ABCC2: variants seen among roughly 807,000 people sequenced by gnomAD.
ABCC2 encodes the protein ATP binding cassette subfamily C member 2.
Under a neutral mutation model 173.4 loss-of-function variants are expected in ABCC2, and 157 were observed. That is an observed-to-expected ratio of 0.91 (90% CI 0.80 to 1.03). The LOEUF is 1.03. Among genes scored for constraint, ABCC2 ranks in the 50% least tolerant of loss-of-function variants. The pLI is 0.00. For synonymous variants in ABCC2, 657 were observed against 693.5 expected (o/e 0.95, Z 0.83); for missense variants, 1,822 against 1,852.3 (o/e 0.98, Z 0.30).
chr10:99,851,484 C>A lies in ABCC2; in HGVS notation c.4509-18C>A, dbSNP rs1205422882. The A allele has an allele frequency of 3.1e-6, 5 of 1,613,950 alleles. No homozygotes were observed. In the South Asian group the frequency reaches 3.3e-5, roughly 11 times the overall value. On this transcript the variant is annotated intron_variant, in intron 31 of 31. Transcript: ENST00000647814. The stretch of plus-strand genomic sequence containing the variant: ...ATGCTGCTTTCTAAGACTTTTATTT[C>A]TTTCTTCCTTGTTTCAGGGTAATGG...
chr10:99,843,879 G>GTA lies in ABCC2; in HGVS notation c.3823_3824dup (p.Lys1277GlnfsTer10). 6.2e-7 allele frequency: 1 copy of GTA among 1,614,098 alleles called. No homozygotes were observed. Among genetic ancestry groups the GTA allele is most frequent in the East Asian group, 2.2e-5 (1 of 44,886 alleles). On this transcript the variant is annotated frameshift_variant, in exon 27 of 32. Transcript: ENST00000647814. LOFTEE classifies it high-confidence loss of function. The stretch of plus-strand genomic sequence containing the variant: ...TTGTGGCTGTTGAGCGAATAACTGA[G>GTA]TACACAAAAGTGGAAAATGAGGTAA...
In ABCC2 at chr10:99,794,084, C is replaced by T. The variant is rs533255605; in HGVS notation, c.576+85C>T. 167 of 1,314,106 alleles carry T rather than the reference C, an allele frequency of 1.3e-4. 2 individuals are homozygous for T. In the South Asian group the frequency reaches 1.6e-3, roughly 13 times the overall value. 81.4% of individuals were successfully genotyped at this position (1,314,106 alleles called of 1,614,324 possible). A position where few individuals can be genotyped will look rare whatever the true frequency, so the allele number is the denominator to read the frequency against. Reference sequence around the variant, plus strand: ...ATAACTTTAAGATGTCTGGGTCTCACGGAGGCGCCACAAGCCCAGAATAAG... The same window carrying T: ...ATAACTTTAAGATGTCTGGGTCTCATGGAGGCGCCACAAGCCCAGAATAAG... On this transcript the variant is annotated intron_variant, in intron 5 of 31. Coordinates refer to ENST00000647814, the MANE Select transcript of ABCC2 (RefSeq NM_000392.5).
chr10:99,794,684 A>G, intron 6 of ABCC2: 1 of 518,164 alleles, frequency 1.9e-6, no homozygotes, highest in Non-Finnish European at 3.5e-6. Flanking sequence ...AGCTGGGATT[A>G]CAGGTGTGAG....
chr10:99,812,352 T>C (rs2038230741), intron 15 of ABCC2, among the ~76,000 whole-genome samples: 1 of 152,156 alleles, frequency 6.6e-6, no homozygotes, highest in Admixed American at 6.5e-5. Context: ...GAAATTCACC[T>C]CAATGCGCAG....
At position 99,830,433 on chromosome 10, in the gene ABCC2, G is replaced by A. The variant is rs929261014; in HGVS notation, c.2747G>A (p.Ser916Asn). Residue 916 changes from serine to asparagine, a missense_variant and splice_region_variant, in exon 20 of 32, where the codon AGT (serine) becomes AAT (asparagine). Coordinates refer to ENST00000647814, the MANE Select transcript of ABCC2 (RefSeq NM_000392.5). ...AGCTTTCGTCGAACACTTAGCCGCA[G>A]GTTGGCTATCTATTCAGCTGGCAGC... ...ENSFRRTLSR[S>N]SRSNGRHLKS... 1.9e-6 allele frequency: 3 copies of A among 1,614,066 alleles called. No homozygotes were observed. In the African/African-American group the frequency reaches 4.0e-5, roughly 22 times the overall value.
Position 99,850,700 on chromosome 10 carries a change from CA to C in ABCC2, c.4413del (p.Asp1472ThrfsTer17), listed in dbSNP as rs2039076181. The C allele has an allele frequency of 6.2e-7, 1 of 1,614,092 alleles. No individual in the cohort carries two copies. ...GCCACTGCTGCGGTGGATCTAGAGACAGACAACCTCATTCAGACGACCATCC... is the reference window on the plus strand; with the variant it reads ...GCCACTGCTGCGGTGGATCTAGAGACGACAACCTCATTCAGACGACCATCC... ...DEATAAVDLE[T>X]DNLIQTTIQN... On this transcript the variant is annotated frameshift_variant, in exon 31 of 32. Coordinates refer to ENST00000647814, the MANE Select transcript of ABCC2 (RefSeq NM_000392.5). LOFTEE classifies it high-confidence loss of function.
At chr10:99,823,580 T>C (rs529898601) in intron 19 of ABCC2, among the ~76,000 whole-genome samples, 1 of 146,250 alleles carries the variant, frequency 6.8e-6, no homozygotes, top group East Asian at 2.0e-4. Context: ...TTTGAGCCGA[T>C]TGATGTGGAG....
In ABCC2 at chr10:99,833,029, C is replaced by T. The variant is rs1015626369; in HGVS notation, c.3258+898C>T. Among the ~76,000 whole-genome samples the T allele has an allele frequency of 2.6e-5, 4 of 152,312 alleles. No homozygotes were observed. The South Asian group carries it at 6.2e-4, about 24-fold the overall frequency. On this transcript the variant is annotated intron_variant, in intron 23 of 31. Transcript: ENST00000647814. ...ACTATCACCAGCACAGTTTTTAGCCCTGTGCTTATGGAGCAGCTCTGGACT... is the reference window on the plus strand; with the variant it reads ...ACTATCACCAGCACAGTTTTTAGCCTTGTGCTTATGGAGCAGCTCTGGACT...
At chr10:99,797,684 G>A (rs2037942359) in intron 7 of ABCC2, 1 of 297,534 alleles carries the variant, frequency 3.4e-6, no homozygotes, top group South Asian at 3.6e-5. Context: ...CTGTGTGTCA[G>A]TGACCATTCT....
At chr10:99,842,219 T>C in intron 26 of ABCC2, 126 bp downstream of exon 26, 1 of 1,365,586 alleles carries the variant, frequency 7.3e-7, no homozygotes, top group South Asian at 1.2e-5. Flanking sequence ...AAGACTGAGG[T>C]TCAAACCCTG....
At chr10:99,815,456 A>C (rs1408627574) in intron 16 of ABCC2, among the ~76,000 whole-genome samples, 1 of 152,006 alleles carries the variant, frequency 6.6e-6, no homozygotes, top group Non-Finnish European at 1.5e-5. Context: ...TCAGTCTCCC[A>C]AAGTGCTGGG....
At chr10:99,827,851 C>T (rs1386066264) in intron 19 of ABCC2, among the ~76,000 whole-genome samples, 2 of 144,092 alleles carry the variant, frequency 1.4e-5, no homozygotes, top group African/African-American at 5.2e-5. Context: ...CACAAGCTTA[C>T]CGTACGGCTG....
At chr10:99,836,404 ACACT>A in intron 25 of ABCC2, 114 bp downstream of exon 25, 1 of 1,070,868 alleles carries the variant, frequency 9.3e-7, no homozygotes, top group Non-Finnish European at 1.4e-6. Flanking sequence ...CTGGCCACAC[ACACT>A]GTCATGCTAT....
chr10:99,836,738 G>A (rs945562681), intron 25 of ABCC2, among the ~76,000 whole-genome samples: 3 of 152,216 alleles, frequency 2.0e-5, no homozygotes, highest in African/African-American at 7.2e-5. Flanking sequence ...TGAAGGCAGT[G>A]GAGGTTGGAG....
At chr10:99,805,130 G>T (rs1217900677) in intron 10 of ABCC2, among the ~76,000 whole-genome samples, 2 of 152,178 alleles carry the variant, frequency 1.3e-5, no homozygotes, top group Admixed American at 6.5e-5. Context: ...CAGCCTGGGA[G>T]GTGGGTACAG....
chr10:99,807,296 A>G, intron 11 of ABCC2, 88 bp from the exon 12 acceptor site: 2 of 1,522,606 alleles, frequency 1.3e-6, no homozygotes, highest in Admixed American at 1.7e-5. Flanking sequence ...CATTTTGGGG[A>G]CTATATCTTA....
chr10:99,804,892 C>A (rs576927876), intron 10 of ABCC2, among the ~76,000 whole-genome samples: 1 of 152,234 alleles, frequency 6.6e-6, no homozygotes, highest in Admixed American at 6.5e-5. Flanking sequence ...ATCTTACATT[C>A]TACCTGGTAG....
intron 25 of ABCC2, among the ~76,000 whole-genome samples, chr10:99,839,176 C>T (rs1564698832): frequency 8.7e-6 from 1 of 115,386 alleles, no homozygotes; most frequent in Non-Finnish European, 1.9e-5. Flanking sequence ...GGGCGGCTGG[C>T]CGGGCGGGGG....
chr10:99,816,005 G>T (rs1297319440), intron 16 of ABCC2, among the ~76,000 whole-genome samples: 1 of 144,906 alleles, frequency 6.9e-6, no homozygotes. Flanking sequence ...GTCTCAGTCT[G>T]TCACCCAGGC....
Sources: allele counts gnomAD v4.1 joint callset (sites outside exome capture counted in the v4.1 genomes callset), GRCh38; gene constraint gnomAD v4.1.1; transcripts MANE v1.5; gene names NCBI Gene and HGNC (gene_info 2026-07-23, HGNC 2026-07-21).